The following UBXN7 variants were observed in gnomAD, a reference collection of about 807,000 sequenced individuals.
UBXN7 encodes the protein UBX domain protein 7, also known as UBX domain-containing protein 7.
Under a neutral mutation model 58.0 loss-of-function variants are expected in UBXN7, and 9 were observed. The ratio of observed to expected loss-of-function variants is 0.16; its 90% CI spans 0.09 to 0.27. UBXN7 has a LOEUF of 0.27. Ranked by LOEUF, UBXN7 falls within the 10% of genes least tolerant of loss-of-function variation. UBXN7 has a pLI of 1.00. For missense variants in UBXN7, 328 were observed against 599.6 expected (o/e 0.55, Z 4.73); for synonymous variants, 208 against 205.0 (o/e 1.01, Z -0.12).
chr3:196,431,597 TCC>T (rs10532490), intron 1 of UBXN7: 36,751 of 162,904 alleles, frequency 0.23, 5,586 homozygotes, highest in East Asian at 0.74. Context: ...CGCCATCGTC[TCC>T]GTCTTTATGA....
intron 3 of UBXN7, among the ~76,000 whole-genome samples, chr3:196,401,842 G>GAA (rs1043673271): frequency 6.7e-6 from 1 of 149,484 alleles, no homozygotes; most frequent in Non-Finnish European, 1.5e-5. Context: ...GAAGAGAAGA[G>GAA]AAGAGAAGAG....
At chr3:196,388,544 C>T (rs1466097136) in intron 5 of UBXN7, among the ~76,000 whole-genome samples, 1 of 151,676 alleles carries the variant, frequency 6.6e-6, no homozygotes, top group Non-Finnish European at 1.5e-5. Context: ...CTAGGTCCTG[C>T]AACACAAGGC....
rs1334930138 is a variant in UBXN7 at position 196,353,173 on chromosome 3, A to G, written c.*3512T>C. Reference sequence around the variant, plus strand: ...AGAAGAGAATCATCTGGGTAGCTTGATTCTCTTGCTGAAGGAGACCACAGC... The same window carrying G: ...AGAAGAGAATCATCTGGGTAGCTTGGTTCTCTTGCTGAAGGAGACCACAGC... On this transcript the variant is annotated 3_prime_UTR_variant, in exon 11 of 11. Transcript: ENST00000296328. The G allele has an allele frequency of 6.6e-6, 1 of 152,220 alleles. No homozygotes were observed. The highest frequency in any genetic ancestry group is 1.5e-5 in the Non-Finnish European group (1 of 68,040). The allele number at this position is 152,220 out of a possible 1,614,324, so 9.4% of individuals were successfully genotyped here.
chr3:196,348,698 C>CTT lies in UBXN7; in HGVS notation c.*7985_*7986dup, dbSNP rs1186914882. ...CCTAGAAATTTCATTCCTTGATTAA[C>CTT]TTCTCTGAGTAAGATGTAAAGTGAG... On this transcript the variant is annotated 3_prime_UTR_variant, in exon 11 of 11. Coordinates refer to ENST00000296328, the MANE Select transcript of UBXN7 (RefSeq NM_015562.2). 3 of 152,124 alleles carry CTT rather than the reference C, an allele frequency of 2.0e-5. No homozygotes were observed. The highest frequency in any genetic ancestry group is 4.4e-5 in the Non-Finnish European group (3 of 68,028). The allele number at this position is 152,124 out of a possible 1,614,324, so 9.4% of individuals were successfully genotyped here. A position where few individuals can be genotyped will look rare whatever the true frequency, so the allele number is the denominator to read the frequency against.
At chr3:196,423,171 G>T (rs1308535570) in intron 1 of UBXN7, among the ~76,000 whole-genome samples, 2 of 152,246 alleles carry the variant, frequency 1.3e-5, no homozygotes, top group Non-Finnish European at 2.9e-5. Flanking sequence ...GTCACCACCT[G>T]GTCTGGGGAT....
rs149268848 is a variant in UBXN7, at chr3:196,422,806, C to T, written c.73+9521G>A. 6.7e-3 allele frequency among the ~76,000 whole-genome samples: 1,020 copies of T among 152,280 alleles called. 16 individuals are homozygous for T. The highest frequency in any genetic ancestry group is 0.024 in the African/African-American group (979 of 41,554). ...CAAAAGATATTCACACACTTGTACA[C>T]GACTGTTTTTGGCAGCTTTATTTAT... is the stretch of plus-strand genomic sequence containing the variant. On this transcript the variant is annotated intron_variant, in intron 1 of 10. Coordinates refer to ENST00000296328, the MANE Select transcript of UBXN7 (RefSeq NM_015562.2).
intron 3 of UBXN7, chr3:196,397,490 A>G (rs1234016261): frequency 3.3e-5 from 5 of 152,292 alleles, no homozygotes; most frequent in African/African-American, 1.2e-4. Context: ...AAAAGGGAGT[A>G]GTGGGCTTTT....
intron 5 of UBXN7, among the ~76,000 whole-genome samples, chr3:196,372,300 TTCTCTCTCTC>T (rs144595952): frequency 6.7e-5 from 9 of 133,622 alleles, no homozygotes; most frequent in Non-Finnish European, 9.5e-5. Flanking sequence ...TAATAGCTGA[TTCTCTCTCTC>T]TCTCTCTCTC....
intron 5 of UBXN7, among the ~76,000 whole-genome samples, chr3:196,380,668 G>A (rs1192862272): frequency 6.6e-6 from 1 of 152,264 alleles, no homozygotes; most frequent in Admixed American, 6.5e-5. Context: ...CTGAAGCAGG[G>A]CAGCGTGCCG....
At chr3:196,386,239 CG>C (rs1189182476) in intron 5 of UBXN7, among the ~76,000 whole-genome samples, 1 of 151,890 alleles carries the variant, frequency 6.6e-6, no homozygotes, top group East Asian at 1.9e-4. Flanking sequence ...ACAAACACTG[CG>C]GAAGGCAGCA....
intron 4 of UBXN7, 63 bp downstream of exon 4, chr3:196,393,491 T>C (rs1729646802): frequency 1.3e-6 from 2 of 1,493,044 alleles, no homozygotes; most frequent in East Asian, 4.5e-5. Flanking sequence ...CTAATAGTAA[T>C]CATCTTTGTC....
At position 196,350,465 on chromosome 3, in the gene UBXN7, T is replaced by A. The variant is rs1728183130; in HGVS notation, c.*6220A>T. 1 of 152,370 alleles carries A rather than the reference T, an allele frequency of 6.6e-6. No individual in the cohort carries two copies. The highest frequency in any genetic ancestry group is 1.9e-4 in the East Asian group (1 of 5,188). 9.4% of individuals were successfully genotyped at this position (152,370 alleles called of 1,614,324 possible). Reference sequence around the variant, plus strand: ...TGAAGATTGTTACATATTAAGACTTTGAAATGGAATTTCTTAAACATAGCC... The same window carrying A: ...TGAAGATTGTTACATATTAAGACTTAGAAATGGAATTTCTTAAACATAGCC... On this transcript the variant is annotated 3_prime_UTR_variant, in exon 11 of 11. Coordinates refer to ENST00000296328, the MANE Select transcript of UBXN7 (RefSeq NM_015562.2).
chr3:196,362,046 T>A (rs1728519562), intron 9 of UBXN7, 123 bp from the exon 10 acceptor site: 1 of 1,063,116 alleles, frequency 9.4e-7, no homozygotes, highest in Middle Eastern at 3.0e-4. Flanking sequence ...TTTGCTGGAG[T>A]GCAGTGGCGT....
In UBXN7 at chr3:196,402,891, G is replaced by C. The variant is rs370601685; in HGVS notation, c.289+61C>G. 16 of 1,537,208 alleles carry C rather than the reference G, an allele frequency of 1.0e-5. No homozygotes were observed. The African/African-American group carries it at 2.1e-4, about 20-fold the overall frequency. ...CTAGCAAGCCTTCACATCTTTTGAT[G>C]GTTTCATTAAAATCCTAAAGAACAA... is the stretch of plus-strand genomic sequence containing the variant. On this transcript the variant is annotated intron_variant, in intron 3 of 10. Transcript: ENST00000296328.
At chr3:196,409,092 T>G (rs1022253840) in intron 1 of UBXN7, among the ~76,000 whole-genome samples, 15 of 152,214 alleles carry the variant, frequency 9.9e-5, no homozygotes, top group African/African-American at 3.4e-4. Context: ...GCATATTGTC[T>G]CTTTGAGCTG....
intron 5 of UBXN7, among the ~76,000 whole-genome samples, chr3:196,383,116 CAAA>C (rs370376004): frequency 6.0e-5 from 6 of 100,720 alleles, no homozygotes; most frequent in Non-Finnish European, 6.2e-5. Flanking sequence ...ACTCCATCTC[CAAA>C]AAAAAAAAAA....
chr3:196,363,245 TACATAA>T (rs1371593408), intron 8 of UBXN7, among the ~76,000 whole-genome samples: 36 of 67,794 alleles, frequency 5.3e-4, no homozygotes, highest in South Asian at 1.3e-3. Context: ...CATACATACA[TACATAA>T]ATATATATAT....
intron 5 of UBXN7, among the ~76,000 whole-genome samples, chr3:196,389,076 A>C (rs1262538809): frequency 6.6e-6 from 1 of 152,186 alleles, no homozygotes; most frequent in Non-Finnish European, 1.5e-5. Context: ...CTCCAAAGTG[A>C]CCAAACTAAA....
chr3:196,366,465 T>G (rs568908340), intron 8 of UBXN7, among the ~76,000 whole-genome samples: 1 of 151,898 alleles, frequency 6.6e-6, no homozygotes, highest in Non-Finnish European at 1.5e-5. Context: ...AGCAAGTTTT[T>G]TTTTTTTTTA....
Sources: gnomAD v4.1 joint callset for allele counts (sites outside exome capture counted in the v4.1 genomes callset) on GRCh38, gnomAD v4.1.1 for gene constraint, MANE v1.5 for transcripts, NCBI Gene and HGNC (gene_info 2026-07-23, HGNC 2026-07-21) for gene names.